PRIMA1: variants seen among roughly 807,000 people sequenced by gnomAD.
PRIMA1 encodes proline-rich membrane anchor 1.
PRIMA1 carries 7 observed loss-of-function variants against 17.5 expected under a neutral mutation model. The observed-to-expected ratio is 0.40, with a 90% CI of 0.23 to 0.75. The LOEUF is 0.75. Ranked by LOEUF, PRIMA1 falls within the 30% of genes least tolerant of loss-of-function variation. PRIMA1 has a pLI of 0.37. For missense variants in PRIMA1, 200 were observed against 201.8 expected (o/e 0.99, Z 0.05); for synonymous variants, 97 against 77.9 (o/e 1.25, Z -1.29).
intron 1 of PRIMA1, among the ~76,000 whole-genome samples, chr14:93,787,970 T>G (rs1885574663): frequency 6.6e-6 from 1 of 152,166 alleles, no homozygotes; most frequent in South Asian, 2.1e-4. Flanking sequence ...GCCCCGCGTG[T>G]ACACTTTAGC....
intron 3 of PRIMA1, among the ~76,000 whole-genome samples, chr14:93,739,687 G>T (rs1179592893): frequency 6.6e-6 from 1 of 152,176 alleles, no homozygotes; most frequent in African/African-American, 2.4e-5. Context: ...GAGCCACTAT[G>T]TGCTTCCTAG....
chr14:93,785,606 A>G (rs1885501121), intron 2 of PRIMA1, among the ~76,000 whole-genome samples: 1 of 152,194 alleles, frequency 6.6e-6, no homozygotes, highest in Admixed American at 6.5e-5. Flanking sequence ...ACTTAAAGAG[A>G]AACACATGGC....
At chr14:93,758,035 C>T (rs1029180650) in intron 3 of PRIMA1, among the ~76,000 whole-genome samples, 4 of 152,074 alleles carry the variant, frequency 2.6e-5, no homozygotes, top group Non-Finnish European at 5.9e-5. Context: ...TCCAGAGATA[C>T]GGGGGGGTTC....
chr14:93,748,393 C>T lies in PRIMA1; in HGVS notation c.230-11023G>A, dbSNP rs547263933. Among the ~76,000 whole-genome samples, 15 of 152,240 alleles carry T rather than the reference C, an allele frequency of 9.9e-5. No individual in the cohort carries two copies. The South Asian group carries it at 1.0e-3, about 11-fold the overall frequency. ...GCATGTGACAAACGGCCAGGAGAGA[C>T]GCTTTGGGGGACTGGAGGGAGCAAC... On this transcript the variant is annotated intron_variant, in intron 3 of 4. Transcript: ENST00000393140.
chr14:93,744,315 T>G (rs2076202833), intron 3 of PRIMA1, among the ~76,000 whole-genome samples: 1 of 152,326 alleles, frequency 6.6e-6, no homozygotes, highest in East Asian at 1.9e-4. Flanking sequence ...CTGCGGTGCC[T>G]GCTCCCACAC....
intron 2 of PRIMA1, among the ~76,000 whole-genome samples, chr14:93,785,295 G>A (rs1281610799): frequency 2.0e-5 from 3 of 151,718 alleles, no homozygotes; most frequent in African/African-American, 7.3e-5. Context: ...AGGGTGAAAG[G>A]CTAAGGAATG....
intron 3 of PRIMA1, 102 bp from the exon 4 acceptor site, chr14:93,737,472 G>A: frequency 1.5e-6 from 2 of 1,378,842 alleles, no homozygotes; most frequent in South Asian, 1.4e-5. Context: ...GGCGTGGGGA[G>A]GTCACTGGTG....
intron 3 of PRIMA1, among the ~76,000 whole-genome samples, chr14:93,750,763 T>G (rs1413344772): frequency 6.6e-6 from 1 of 152,158 alleles, no homozygotes; most frequent in Non-Finnish European, 1.5e-5. Flanking sequence ...ATACCACAAA[T>G]TTGTATTTTG....
At chr14:93,724,228 C>G (rs1320307367) in intron 4 of PRIMA1, among the ~76,000 whole-genome samples, 1 of 152,178 alleles carries the variant, frequency 6.6e-6, no homozygotes, top group Admixed American at 6.5e-5. Context: ...CTTGGGAAAG[C>G]CTTCCTCCAC....
At chr14:93,748,465 G>T (rs1339995744) in intron 3 of PRIMA1, among the ~76,000 whole-genome samples, 1 of 152,182 alleles carries the variant, frequency 6.6e-6, no homozygotes, top group Non-Finnish European at 1.5e-5. Flanking sequence ...CATCAGGAAG[G>T]CCTCTCTGAG....
chr14:93,786,314 A>G lies in PRIMA1; in HGVS notation c.93+1312T>C, dbSNP rs1885522234. On this transcript the variant is annotated intron_variant, in intron 2 of 4. Coordinates refer to ENST00000393140, the MANE Select transcript of PRIMA1 (RefSeq NM_178013.4). ...ACATTAGACAAAGCTGTCAATTCCA[A>G]AAGGAAAACAATTGTGAGACGGAGG... Among the ~76,000 whole-genome samples the G allele has an allele frequency of 2.0e-5, 3 of 152,230 alleles. No homozygotes were observed. The South Asian group carries it at 6.2e-4, about 31-fold the overall frequency.
intron 3 of PRIMA1, among the ~76,000 whole-genome samples, chr14:93,775,944 C>T (rs74607522): frequency 1.4e-4 from 21 of 152,354 alleles, no homozygotes; most frequent in African/African-American, 5.1e-4. Context: ...CCATAAGCCA[C>T]CATGATTGGT....
chr14:93,725,393 C>T (rs1281899852), intron 4 of PRIMA1, among the ~76,000 whole-genome samples: 1 of 152,186 alleles, frequency 6.6e-6, no homozygotes, highest in Admixed American at 6.5e-5. Flanking sequence ...CAAAGCCTTT[C>T]TGGGATTCAC....
chr14:93,781,948 A>C (rs1282827756), intron 2 of PRIMA1, among the ~76,000 whole-genome samples: 3 of 150,838 alleles, frequency 2.0e-5, no homozygotes, highest in African/African-American at 7.3e-5. Context: ...ACTCCAGCCT[A>C]GGCGACAGAG....
At chr14:93,770,851 T>C (rs1885038369) in intron 3 of PRIMA1, among the ~76,000 whole-genome samples, 1 of 152,110 alleles carries the variant, frequency 6.6e-6, no homozygotes, top group South Asian at 2.1e-4. Flanking sequence ...AAAATATCTG[T>C]AAGGTAAGTG....
chr14:93,753,867 T>A (rs1359701034), intron 3 of PRIMA1, among the ~76,000 whole-genome samples: 1 of 152,132 alleles, frequency 6.6e-6, no homozygotes, highest in African/African-American at 2.4e-5. Context: ...AATCCCACAA[T>A]GTGAACCAGG....
chr14:93,773,439 C>T (rs1018395579), intron 3 of PRIMA1, among the ~76,000 whole-genome samples: 1 of 152,206 alleles, frequency 6.6e-6, no homozygotes. Context: ...AGGAGGTCCT[C>T]GGGCCCCACC....
chr14:93,746,093 G>A (rs1182039919), intron 3 of PRIMA1, among the ~76,000 whole-genome samples: 1 of 152,114 alleles, frequency 6.6e-6, no homozygotes, highest in Admixed American at 6.5e-5. Context: ...AGCCTAGGAG[G>A]TCGGTTTTCA....
At chr14:93,787,544 G>A (rs1313730218) in intron 2 of PRIMA1, 82 bp downstream of exon 2, 1 of 1,529,592 alleles carries the variant, frequency 6.5e-7, no homozygotes, top group Non-Finnish European at 8.8e-7. Flanking sequence ...GGCTGCAAGA[G>A]GCCAGGGTCT....
Sources: gnomAD v4.1 joint callset for allele counts (sites outside exome capture counted in the v4.1 genomes callset) on GRCh38, gnomAD v4.1.1 for gene constraint, MANE v1.5 for transcripts, NCBI Gene and HGNC (gene_info 2026-07-23, HGNC 2026-07-21) for gene names.